The following USP24 variants were observed in gnomAD, a reference collection of about 807,000 sequenced individuals.
USP24 encodes the protein ubiquitin specific peptidase 24, also known as ubiquitin carboxyl-terminal hydrolase 24.
A neutral mutation model predicts 361.6 loss-of-function variants in USP24; 97 were observed. The observed-to-expected ratio is 0.27, with a 90% confidence interval of 0.23 to 0.32. The LOEUF is 0.32. Among genes scored for constraint, USP24 ranks in the 10% least tolerant of loss-of-function variants. The probability of loss-of-function intolerance (pLI) is 1.00; values close to 1 mark genes in which losing one functional copy is unlikely to be tolerated. For missense variants in USP24, 2,353 were observed against 3,165.6 expected, an observed-to-expected ratio of 0.74 and a Z score of 6.16; for synonymous variants, 1,098 against 1,124.6, an observed-to-expected ratio of 0.98 and a Z score of 0.47.
chr1:55,184,332 T>C (rs1419926579), intron 1 of USP24, among the ~76,000 whole-genome samples: 2 of 152,244 alleles, frequency 1.3e-5, no homozygotes, highest in African/African-American at 2.4e-5. Context: ...GCTGGAATTA[T>C]AGGCACGAGC....
rs553424036 is a variant in USP24, at chr1:55,086,791, G to C, written c.6669-753C>G. Among the ~76,000 whole-genome samples, 3 of 152,342 alleles carry C rather than the reference G, an allele frequency of 2.0e-5. No individual in the cohort carries two copies. The South Asian group carries it at 6.2e-4, about 32-fold the overall frequency. ...TTCAGAGAGACAAAAAAGCCTGCAT[G>C]TGGGTATCCTGTGTGAGAGCTGAGA... On this transcript the variant is annotated intron_variant, in intron 55 of 67. Coordinates refer to ENST00000294383, the MANE Select transcript of USP24 (RefSeq NM_015306.3).
chr1:55,091,150 G>A (rs1020418019), intron 54 of USP24, among the ~76,000 whole-genome samples: 16 of 152,062 alleles, frequency 1.1e-4, no homozygotes, highest in African/African-American at 3.4e-4. Flanking sequence ...AAGTTTCTAA[G>A]GCAGAGGTCC....
rs1453484585 is a variant in USP24 at position 55,079,616 on chromosome 1, G to A, written c.7122C>T (p.Pro2374=). The A allele has an allele frequency of 1.3e-6, 2 of 1,551,508 alleles. No individual in the cohort carries two copies. Among genetic ancestry groups the A allele is most frequent in the East Asian group, 4.9e-5 (2 of 41,046 alleles). ...FKQRPPISIA[P]SSPLLPLHEE... ...CATGGAGGGGCAACAGAGGGCTTGA[G>A]GGAGCAATGCTAATGGGTGGTCGTT... The change falls in exon 60 of 68, where the codon CCC becomes CCT. Residue 2374 remains proline, a synonymous_variant. Transcript: ENST00000294383.
intron 1 of USP24, among the ~76,000 whole-genome samples, chr1:55,206,278 T>C (rs1474265989): frequency 6.6e-6 from 1 of 152,064 alleles, no homozygotes; most frequent in East Asian, 1.9e-4. Context: ...ACACAGAAAA[T>C]TTTTTAACTG....
chr1:55,121,161 T>C (rs1034587727), intron 37 of USP24, among the ~76,000 whole-genome samples: 3 of 152,210 alleles, frequency 2.0e-5, no homozygotes, highest in Non-Finnish European at 4.4e-5. Flanking sequence ...CCTTGTGAGC[T>C]ATGGATATCA....
In USP24 at chr1:55,145,853, A is replaced by G. The variant is rs1647014753; in HGVS notation, c.2362+145T>C. ...ATGTAGAAAGGAATTTGAGTACTAA[A>G]TATGTCTTTAGATGCACAAGAAAAA... is the stretch of plus-strand genomic sequence containing the variant. On this transcript the variant is annotated intron_variant, in intron 20 of 67. Coordinates refer to ENST00000294383, the MANE Select transcript of USP24 (RefSeq NM_015306.3). The G allele has an allele frequency of 6.7e-6, 4 of 595,730 alleles. No individual in the cohort carries two copies. In the South Asian group the frequency reaches 9.1e-5, roughly 14 times the overall value. 36.9% of individuals were successfully genotyped at this position (595,730 alleles called of 1,614,324 possible).
intron 1 of USP24, among the ~76,000 whole-genome samples, chr1:55,201,484 C>T (rs899899927): frequency 5.9e-5 from 9 of 151,486 alleles, no homozygotes; most frequent in Admixed American, 2.0e-4. Context: ...GCCTGTAATC[C>T]CAGCCACTCG....
chr1:55,081,228 G>A lies in USP24; in HGVS notation c.7078+94C>T, dbSNP rs558460291. ...CACCTCAACTAGCAAGTAGTCGAATGAGAAACAAGAGACATTCATTTACTT... is the reference window on the plus strand; with the variant it reads ...CACCTCAACTAGCAAGTAGTCGAATAAGAAACAAGAGACATTCATTTACTT... On this transcript the variant is annotated intron_variant, in intron 59 of 67. Coordinates refer to ENST00000294383, the MANE Select transcript of USP24 (RefSeq NM_015306.3). 3.8e-5 allele frequency: 49 copies of A among 1,282,374 alleles called. No homozygotes were observed. The South Asian group carries it at 6.2e-4, about 16-fold the overall frequency. 79.4% of individuals were successfully genotyped at this position (1,282,374 alleles called of 1,614,324 possible). A position where few individuals can be genotyped will look rare whatever the true frequency, so the allele number is the denominator to read the frequency against.
chr1:55,105,447 A>T (rs532457386), intron 41 of USP24, among the ~76,000 whole-genome samples: 2 of 152,326 alleles, frequency 1.3e-5, no homozygotes, highest in East Asian at 3.9e-4. Flanking sequence ...GTCCATTTCA[A>T]TAACCACTGA....
intron 5 of USP24, among the ~76,000 whole-genome samples, chr1:55,167,750 G>A (rs1452015917): frequency 6.6e-6 from 1 of 152,094 alleles, no homozygotes; most frequent in Non-Finnish European, 1.5e-5. Context: ...TTTATGGTTT[G>A]GTTATTCTTT....
intron 1 of USP24, among the ~76,000 whole-genome samples, chr1:55,202,564 C>T (rs1644604109): frequency 6.6e-6 from 1 of 152,062 alleles, no homozygotes; most frequent in African/African-American, 2.4e-5. Flanking sequence ...ATTACCACAC[C>T]CAGCTAATTT....
At chr1:55,137,364 G>T in intron 28 of USP24, 151 bp downstream of exon 28, 1 of 1,001,154 alleles carries the variant, frequency 1.0e-6, no homozygotes, top group Non-Finnish European at 1.4e-6. Context: ...GTGTAAGTGG[G>T]ATGAAGAGAT....
intron 1 of USP24, among the ~76,000 whole-genome samples, chr1:55,188,686 T>C (rs1205045069): frequency 2.0e-5 from 3 of 151,772 alleles, no homozygotes; most frequent in Admixed American, 6.6e-5. Flanking sequence ...AAGCCGGGCA[T>C]GGTGGGTCAC....
chr1:55,075,776 G>A lies in USP24; in HGVS notation c.7381-253C>T, dbSNP rs527959640. Among the ~76,000 whole-genome samples, 10 of 152,176 alleles carry A rather than the reference G, an allele frequency of 6.6e-5. No homozygotes were observed. In the South Asian group the frequency reaches 2.1e-3, roughly 32 times the overall value. ...GAGGCCAGGAGTTCTGAACTAGCCT[G>A]GGCAACAAAGCAAGATCCCATCTCT... On this transcript the variant is annotated intron_variant, in intron 62 of 67. Coordinates refer to ENST00000294383, the MANE Select transcript of USP24 (RefSeq NM_015306.3).
At chr1:55,102,689 T>TA (rs200095828) in intron 42 of USP24, among the ~76,000 whole-genome samples, 4,517 of 146,764 alleles carry the variant, frequency 0.031, 156 homozygotes, top group African/African-American at 0.084. Flanking sequence ...AGCATAGATT[T>TA]AAAAAAAAAA....
Position 55,100,989 on chromosome 1 carries a change from G to A in USP24, c.5146-25C>T, listed in dbSNP as rs1308067628. The A allele has an allele frequency of 3.1e-6, 5 of 1,601,588 alleles. No individual in the cohort carries two copies. The African/African-American group carries it at 4.1e-5, about 13-fold the overall frequency. On this transcript the variant is annotated intron_variant, in intron 43 of 67. Transcript: ENST00000294383. ...ACTGCACAGAAAAGAAACATATCAA[G>A]CTTGAAATATTTAAAATGCTTCACA...
rs560455117 is a variant in USP24, at chr1:55,188,293, T to C, written c.325-10161A>G. On this transcript the variant is annotated intron_variant, in intron 1 of 67. Coordinates refer to ENST00000294383, the MANE Select transcript of USP24 (RefSeq NM_015306.3). ...AATGTAACGCAAGACTAAATATTCA[T>C]GACCTTGGATTAGGTAATTATTTCT... is the stretch of plus-strand genomic sequence containing the variant. Among the ~76,000 whole-genome samples, 12 of 152,166 alleles carry C rather than the reference T, an allele frequency of 7.9e-5. 1 individual carries two copies. In the South Asian group the frequency reaches 2.3e-3, roughly 29 times the overall value.
At chr1:55,125,591 T>G in intron 33 of USP24, 43 bp from the exon 34 acceptor site, 1 of 1,587,772 alleles carries the variant, frequency 6.3e-7, no homozygotes, top group Non-Finnish European at 8.6e-7. Flanking sequence ...CCATTCATAC[T>G]ATTTAAAAAC....
chr1:55,215,064 A>G lies in USP24; in HGVS notation c.50T>C (p.Phe17Ser). Reference sequence around the variant, plus strand: ...CTTGCGGATGGTGGCGGGGTCTGAGAAGCCCATGCACAGCAGCGTGGTCAT... The same window carrying G: ...CTTGCGGATGGTGGCGGGGTCTGAGGAGCCCATGCACAGCAGCGTGGTCAT... ...QHMTTLLCMG[F>S]SDPATIRKAL... Residue 17 changes from phenylalanine (F) to serine (S), a missense_variant, in exon 1 of 68, where the codon TTC becomes TCC. Around this residue, in one of 8 missense-constraint regions of USP24, gnomAD observed 253 missense variants for 255.3 expected, o/e 0.99. Transcript: ENST00000294383. The G allele has an allele frequency of 6.9e-7, 1 of 1,453,434 alleles. No homozygotes were observed. Among genetic ancestry groups the G allele is most frequent in the Non-Finnish European group, 9.1e-7 (1 of 1,098,860 alleles). The allele number at this position is 1,453,434 out of a possible 1,614,324, so 90.0% of individuals were successfully genotyped here.
Sources: gnomAD v4.1 joint callset for allele counts (sites outside exome capture counted in the v4.1 genomes callset) on GRCh38, gnomAD v4.1.1 for gene constraint, gnomAD v4.1.1 regional missense constraint, MANE v1.5 for transcripts, NCBI Gene and HGNC (gene_info 2026-07-23, HGNC 2026-07-21) for gene names.